RMND1: variants seen among roughly 807,000 people sequenced by gnomAD.
RMND1 encodes the protein required for meiotic nuclear division 1 homolog.
RMND1 carries 41 observed loss-of-function variants against 54.0 expected under a neutral mutation model. The ratio of observed to expected loss-of-function variants is 0.76; its 90% CI spans 0.59 to 0.98. The LOEUF (loss-of-function observed/expected upper bound fraction) is 0.98, where lower values mean the gene tolerates loss of function less well. Among genes scored for constraint, RMND1 ranks in the 50% least tolerant of loss-of-function variants. RMND1 has a pLI of 0.00. For missense variants in RMND1, 457 were observed against 532.0 expected (o/e 0.86, Z 1.39); for synonymous variants, 183 against 181.7 (o/e 1.01, Z -0.06).
At chr6:151,410,542 A>AC (rs1279670794) in intron 10 of RMND1, among the ~76,000 whole-genome samples, 1 of 151,942 alleles carries the variant, frequency 6.6e-6, no homozygotes, top group Non-Finnish European at 1.5e-5. Flanking sequence ...CTGAGAAAAA[A>AC]CTCTGAGAAA....
chr6:151,449,662 C>G (rs993905920), intron 1 of RMND1, among the ~76,000 whole-genome samples: 6 of 148,492 alleles, frequency 4.0e-5, no homozygotes, highest in African/African-American at 1.3e-4. Flanking sequence ...CCTCTCCCCA[C>G]GGTCCCCCTC....
chr6:151,452,123 T>C lies in RMND1; in HGVS notation c.-122A>G, dbSNP rs1009456382. Reference sequence around the variant, plus strand: ...CTCTCACTACTGCAGCCAACCCATCTCCTGGAAGGGCGCTCCCGCCCACCC... The same window carrying C: ...CTCTCACTACTGCAGCCAACCCATCCCCTGGAAGGGCGCTCCCGCCCACCC... On this transcript the variant is annotated 5_prime_UTR_variant, in exon 1 of 12. Transcript: ENST00000444024. 5.0e-6 allele frequency: 1 copy of C among 200,282 alleles called. No homozygotes were observed. The highest frequency in any genetic ancestry group is 1.0e-5 in the Non-Finnish European group (1 of 96,856). 12.4% of individuals were successfully genotyped at this position (200,282 alleles called of 1,614,324 possible). A position where few individuals can be genotyped will look rare whatever the true frequency, so the allele number is the denominator to read the frequency against.
At chr6:151,417,895 G>A (rs111841153) in intron 9 of RMND1, among the ~76,000 whole-genome samples, 15,322 of 149,714 alleles carry the variant, frequency 0.1, 2,299 homozygotes, top group African/African-American at 0.33. Context: ...TGCAACCTCT[G>A]CCTCCCAGAT....
intron 10 of RMND1, among the ~76,000 whole-genome samples, chr6:151,412,775 G>A (rs559815496): frequency 2.6e-5 from 4 of 152,268 alleles, no homozygotes; most frequent in African/African-American, 4.8e-5. Flanking sequence ...TGGCAGAAGC[G>A]AAGAAGAGCG....
intron 3 of RMND1, among the ~76,000 whole-genome samples, chr6:151,434,912 G>A (rs1028044444): frequency 6.6e-6 from 1 of 152,090 alleles, no homozygotes; most frequent in African/African-American, 2.4e-5. Flanking sequence ...GCAGTGGCAC[G>A]ATCTTGGCTC....
In RMND1 at chr6:151,418,369, G is replaced by A. The variant is rs141181434; in HGVS notation, c.1080-970C>T. On this transcript the variant is annotated intron_variant, in intron 9 of 11. Coordinates refer to ENST00000444024, the MANE Select transcript of RMND1 (RefSeq NM_017909.4). ...GCAGAGGCTGCAGTGAGCCAAGACTGTGACACTGTACTCCAGCCTAGGCAA... is the reference window on the plus strand; with the variant it reads ...GCAGAGGCTGCAGTGAGCCAAGACTATGACACTGTACTCCAGCCTAGGCAA... Among the ~76,000 whole-genome samples the A allele has an allele frequency of 2.4e-3, 361 of 152,148 alleles. 1 individual carries two copies. The highest frequency in any genetic ancestry group is 8.2e-3 in the African/African-American group (340 of 41,522).
At chr6:151,441,016 T>C (rs900542258) in intron 2 of RMND1, among the ~76,000 whole-genome samples, 1 of 152,182 alleles carries the variant, frequency 6.6e-6, no homozygotes, top group Non-Finnish European at 1.5e-5. Context: ...ATAATAGTTA[T>C]GATATTCAGG....
rs1780143791 is a variant in RMND1 at position 151,421,292 on chromosome 6, T to A, written c.1032A>T (p.Leu344=). 6.2e-7 allele frequency: 1 copy of A among 1,612,822 alleles called. No individual in the cohort carries two copies. The highest frequency in any genetic ancestry group is 2.2e-5 in the East Asian group (1 of 44,782). ...EALKAGKKVK[L]SHEEVMQKIG... ...TTTTCTGCATAACTTCTTCATGAGA[T>A]AGTTTCACTTTCTTCCCAGCTTTTA... Residue 344 remains leucine (L), a synonymous_variant, in exon 9 of 12, where the codon CTA becomes CTT. Coordinates refer to ENST00000444024, the MANE Select transcript of RMND1 (RefSeq NM_017909.4).
chr6:151,435,844 C>T (rs1267281449), intron 3 of RMND1, among the ~76,000 whole-genome samples: 1 of 151,016 alleles, frequency 6.6e-6, no homozygotes, highest in African/African-American at 2.4e-5. Context: ...GTGGCTCAAA[C>T]CTGTAATCCC....
intron 9 of RMND1, 180 bp downstream of exon 9, chr6:151,421,065 C>T (rs866940638): frequency 1.8e-6 from 1 of 560,944 alleles, no homozygotes. Context: ...TCAGTACAGT[C>T]TTAACACAGC....
At chr6:151,442,505 A>G (rs1780810952) in intron 2 of RMND1, among the ~76,000 whole-genome samples, 1 of 152,142 alleles carries the variant, frequency 6.6e-6, no homozygotes, top group Non-Finnish European at 1.5e-5. Flanking sequence ...AAGACTGGAC[A>G]TTAACAAGAA....
chr6:151,450,566 C>T (rs1471349204), intron 1 of RMND1, among the ~76,000 whole-genome samples: 6 of 147,210 alleles, frequency 4.1e-5, no homozygotes, highest in East Asian at 2.1e-4. Context: ...CCGCCCCGTC[C>T]GGGAGGGAGG....
chr6:151,433,194 G>A lies in RMND1; in HGVS notation c.650C>T (p.Ser217Phe). Residue 217 changes from serine to phenylalanine, a missense_variant, in exon 4 of 12, where the codon TCT becomes TTT. Physicochemically the swap from Ser to Phe is radical, Grantham distance 155. Transcript: ENST00000444024. ...TGTTCCAGGATCACCTTCTTTTGCA[G>A]AATTTTCCACACCCATCACCAAAAT... ...ANILVMGVEN[S>F]AKEGDPGTIF... The A allele has an allele frequency of 1.2e-6, 2 of 1,612,322 alleles. No homozygotes were observed. Among genetic ancestry groups the A allele is most frequent in the East Asian group, 4.5e-5 (2 of 44,780 alleles).
intron 1 of RMND1, among the ~76,000 whole-genome samples, 165 bp downstream of exon 1, chr6:151,451,851 G>A (rs749310985): frequency 8.5e-5 from 13 of 152,162 alleles, no homozygotes; most frequent in Non-Finnish European, 1.8e-4. Context: ...TTAATTGAGT[G>A]CTTTTTACTC....
At chr6:151,438,258 G>A (rs988952589) in intron 2 of RMND1, among the ~76,000 whole-genome samples, 11 of 152,192 alleles carry the variant, frequency 7.2e-5, no homozygotes, top group African/African-American at 2.7e-4. Context: ...CATCAGGCGA[G>A]ACATCGGGTA....
At chr6:151,409,289 TA>T (rs1779729528) in intron 10 of RMND1, among the ~76,000 whole-genome samples, 2 of 152,180 alleles carry the variant, frequency 1.3e-5, no homozygotes, top group African/African-American at 4.8e-5. Flanking sequence ...AGGCTTTCAA[TA>T]AATGTTTGCT....
intron 5 of RMND1, among the ~76,000 whole-genome samples, chr6:151,428,068 C>T (rs1461654725): frequency 1.3e-5 from 2 of 152,084 alleles, no homozygotes; most frequent in African/African-American, 4.8e-5. Flanking sequence ...GTGGCGGTTG[C>T]AGTGAGCCAA....
Position 151,452,121 on chromosome 6 carries a change from T to C in RMND1, c.-120A>G, listed in dbSNP as rs115588021. On this transcript the variant is annotated 5_prime_UTR_variant, in exon 1 of 12. The change abolishes an upstream ATG in the 5' untranslated region. Coordinates refer to ENST00000444024, the MANE Select transcript of RMND1 (RefSeq NM_017909.4). ...GCCTCTCACTACTGCAGCCAACCCATCTCCTGGAAGGGCGCTCCCGCCCAC... is the reference window on the plus strand; with the variant it reads ...GCCTCTCACTACTGCAGCCAACCCACCTCCTGGAAGGGCGCTCCCGCCCAC... 3 of 198,804 alleles carry C rather than the reference T, an allele frequency of 1.5e-5. No individual in the cohort carries two copies. The highest frequency in any genetic ancestry group is 2.1e-5 in the Non-Finnish European group (2 of 95,946). The allele number at this position is 198,804 out of a possible 1,614,324, so 12.3% of individuals were successfully genotyped here. A position where few individuals can be genotyped will look rare whatever the true frequency, so the allele number is the denominator to read the frequency against.
intron 11 of RMND1, 43 bp downstream of exon 11, chr6:151,405,677 A>G (rs1216494585): frequency 1.0e-6 from 1 of 980,774 alleles, no homozygotes; most frequent in Non-Finnish European, 1.6e-6. Context: ...TGTATTTGTG[A>G]AAAGATGGTA....
Sources: allele counts gnomAD v4.1 joint callset (sites outside exome capture counted in the v4.1 genomes callset), GRCh38; gene constraint gnomAD v4.1.1; transcripts MANE v1.5; gene names NCBI Gene and HGNC (gene_info 2026-07-23, HGNC 2026-07-21).